Variants in EDC4 observed in about 807,000 individuals in gnomAD.
The protein encoded by EDC4 is enhancer of mRNA decapping 4.
Under a neutral mutation model 155.8 loss-of-function variants are expected in EDC4, and 64 were observed. That is an observed-to-expected ratio of 0.41 (90% confidence interval 0.34 to 0.51). The LOEUF is 0.51. EDC4 is among the 20% of genes least tolerant of loss of function. The pLI is 0.19. For synonymous variants in EDC4, 684 were observed against 716.8 expected (o/e 0.95, Z 0.73); for missense variants, 1,303 against 1,812.5 (o/e 0.72, Z 5.10).
rs2058044977 is a variant in EDC4 at position 67,877,082 on chromosome 16, C to T, written c.451+110C>T. ...GGGTACAATGGAAGGTTTGTCCATGCTGCCTCTTGGGGAGCTGGGTGGGAA... is the reference window on the plus strand; with the variant it reads ...GGGTACAATGGAAGGTTTGTCCATGTTGCCTCTTGGGGAGCTGGGTGGGAA... On this transcript the variant is annotated intron_variant, in intron 4 of 28. Transcript: ENST00000358933. This position sits in a 1 kb window ranked among gnomAD's most constrained non-coding sequence, Gnocchi z 4.9. 3 of 1,547,292 alleles carry T rather than the reference C, an allele frequency of 1.9e-6. No homozygotes were observed. Among genetic ancestry groups the T allele is most frequent in the South Asian group, 2.5e-5 (2 of 80,986 alleles).
At position 67,883,715 on chromosome 16, in the gene EDC4, A is replaced by T. The variant is rs143222155; in HGVS notation, c.3997A>T (p.Thr1333Ser). The T allele has an allele frequency of 5.6e-6, 9 of 1,614,020 alleles. No homozygotes were observed. The highest frequency in any genetic ancestry group is 7.6e-6 in the Non-Finnish European group (9 of 1,180,002). Reference sequence around the variant, plus strand: ...GCTGGCATCTGACCTTGGCACTCGAACTGACCTCAAGCTCAGGTAAGTGGG... The same window carrying T: ...GCTGGCATCTGACCTTGGCACTCGATCTGACCTCAAGCTCAGGTAAGTGGG... Reference protein sequence around the residue: ...QQLASDLGTRTDLKLSYLEEA... With the variant: ...QQLASDLGTRSDLKLSYLEEA... The change falls in exon 28 of 29, where the codon ACT becomes TCT. Residue 1333 changes from threonine to serine, a missense_variant. Coordinates refer to ENST00000358933, the MANE Select transcript of EDC4 (RefSeq NM_014329.5). The surrounding 1 kb of genome is among the most constrained non-coding windows in gnomAD (Gnocchi z 5.3).
rs1480994191 is a variant in EDC4, at chr16:67,878,049, TAGTC to T, written c.895-111_895-108del. 15 of 1,522,602 alleles carry T rather than the reference TAGTC, an allele frequency of 9.9e-6. No individual in the cohort carries two copies. Among genetic ancestry groups the T allele is most frequent in the Non-Finnish European group, 1.2e-5 (14 of 1,130,464 alleles). The allele number at this position is 1,522,602 out of a possible 1,614,324, so 94.3% of individuals were successfully genotyped here. A position where few individuals can be genotyped will look rare whatever the true frequency, so the allele number is the denominator to read the frequency against. ...GCCTTCTCTAGGAACCCTGTTCATT[TAGTC>T]AGTCACACAAGCATGCCAGTCCCAC... On this transcript the variant is annotated intron_variant, in intron 7 of 28. Transcript: ENST00000358933. The surrounding 1 kb of genome is among the most constrained non-coding windows in gnomAD (Gnocchi z 5.2).
Position 67,876,795 on chromosome 16 carries a change from C to T in EDC4, c.352-78C>T, listed in dbSNP as rs2058043348. 2.5e-6 allele frequency: 4 copies of T among 1,585,132 alleles called. No individual in the cohort carries two copies. The highest frequency in any genetic ancestry group is 3.4e-6 in the Non-Finnish European group (4 of 1,165,484). On this transcript the variant is annotated intron_variant, in intron 3 of 28. Transcript: ENST00000358933. The surrounding 1 kb of genome is among the most constrained non-coding windows in gnomAD (Gnocchi z 5.8). ...GGGTAGCTGGACTTGCATCTGTGTC[C>T]TCTCCCATCCCCAGGGATGTTGGGG...
In EDC4 at chr16:67,882,941, C is replaced by T. The variant is rs776035765; in HGVS notation, c.3630-17C>T. 2.5e-6 allele frequency: 4 copies of T among 1,613,720 alleles called. No homozygotes were observed. The South Asian group carries it at 4.4e-5, about 18-fold the overall frequency. Reference sequence around the variant, plus strand: ...TAGGCTCCCTGTCCACTTCACCTCACTCACTTCCCTTTGCAGCCTGCAGGA... The same window carrying T: ...TAGGCTCCCTGTCCACTTCACCTCATTCACTTCCCTTTGCAGCCTGCAGGA... On this transcript the variant is annotated splice_polypyrimidine_tract_variant and intron_variant, in intron 26 of 28. Transcript: ENST00000358933. The surrounding 1 kb of genome is among the most constrained non-coding windows in gnomAD (Gnocchi z 7.2).
Position 67,873,181 on chromosome 16 carries a change from C to T in EDC4, c.-81C>T. On this transcript the variant is annotated 5_prime_UTR_variant, in exon 1 of 29. Coordinates refer to ENST00000358933, the MANE Select transcript of EDC4 (RefSeq NM_014329.5). ...TGACCGGCGTCCCGCTGTCTCGCCC[C>T]GTGGCGGGTGAGCGAGGGTGCGTGG... 2 of 1,105,822 alleles carry T rather than the reference C, an allele frequency of 1.8e-6. No individual in the cohort carries two copies. The highest frequency in any genetic ancestry group is 3.2e-5 in the East Asian group (1 of 30,826). The allele number at this position is 1,105,822 out of a possible 1,614,324, so 68.5% of individuals were successfully genotyped here. A position where few individuals can be genotyped will look rare whatever the true frequency, so the allele number is the denominator to read the frequency against.
At chr16:67,875,633 C>T in intron 1 of EDC4, 1 of 794,754 alleles carries the variant, frequency 1.3e-6, no homozygotes, top group East Asian at 6.5e-5. Flanking sequence ...TCTTTCCTGA[C>T]CCCTCCTATG....
At position 67,882,965 on chromosome 16, in the gene EDC4, G is replaced by A; in HGVS notation, c.3637G>A (p.Glu1213Lys). ...QLHVAVGSLQ[E>K]SILAQVQRIV... ...ACTCACTTCCCTTTGCAGCCTGCAGGAGTCCATTTTAGCACAGGTACAGCG... is the reference window on the plus strand; with the variant it reads ...ACTCACTTCCCTTTGCAGCCTGCAGAAGTCCATTTTAGCACAGGTACAGCG... Residue 1213 changes from glutamate (E) to lysine (K), a missense_variant, in exon 27 of 29, where the codon GAG becomes AAG. By Grantham distance (56) the Glu-to-Lys change is moderately conservative. Coordinates refer to ENST00000358933, the MANE Select transcript of EDC4 (RefSeq NM_014329.5). This position sits in a 1 kb window ranked among gnomAD's most constrained non-coding sequence, Gnocchi z 7.2. 1 of 1,613,968 alleles carries A rather than the reference G, an allele frequency of 6.2e-7. No homozygotes were observed.
chr16:67,884,495 TA>T lies in EDC4; in HGVS notation c.*351del. On this transcript the variant is annotated 3_prime_UTR_variant, in exon 29 of 29. Coordinates refer to ENST00000358933, the MANE Select transcript of EDC4 (RefSeq NM_014329.5). This position sits in a 1 kb window ranked among gnomAD's most constrained non-coding sequence, Gnocchi z 4.1. ...GAAATTCAATTAAATGCTTTTGGAA[TA>T]AAATGGAGTATGTGTGTGCTTTTGG... The T allele has an allele frequency of 2.0e-6, 1 of 490,190 alleles. No homozygotes were observed. Among genetic ancestry groups the T allele is most frequent in the East Asian group, 3.6e-5 (1 of 27,920 alleles). The allele number at this position is 490,190 out of a possible 1,614,324, so 30.4% of individuals were successfully genotyped here.
Position 67,882,851 on chromosome 16 carries a change from T to C in EDC4, c.3615T>C (p.His1205=), listed in dbSNP as rs1284803679. 1.1e-5 allele frequency: 18 copies of C among 1,614,158 alleles called. No homozygotes were observed. The highest frequency in any genetic ancestry group is 2.2e-5 in the South Asian group (2 of 91,088). The change falls in exon 26 of 29, where the codon CAT becomes CAC. Residue 1205 remains histidine (H), a synonymous_variant. Transcript: ENST00000358933. The surrounding 1 kb of genome is among the most constrained non-coding windows in gnomAD (Gnocchi z 7.2). ...SVRAEVQHQL[H]VAVGSLQESI... is the part of the protein sequence containing the mutation. Reference sequence around the variant, plus strand: ...GTGCTGAGGTGCAGCACCAGCTGCATGTGGCTGTGGGCAGGTGTGTGGGCA... The same window carrying C: ...GTGCTGAGGTGCAGCACCAGCTGCACGTGGCTGTGGGCAGGTGTGTGGGCA...
intron 1 of EDC4, among the ~76,000 whole-genome samples, chr16:67,873,652 A>G (rs1325137554): frequency 6.6e-6 from 1 of 151,990 alleles, no homozygotes; most frequent in Non-Finnish European, 1.5e-5. Context: ...GGACTGGCCT[A>G]GCTCCTCTTC....
Position 67,875,964 on chromosome 16 carries a change from A to G in EDC4, c.102A>G (p.Pro34=). The part of the protein sequence containing the change: ...RPAGGPSAES[P]RPSSAYNGDL... Reference sequence around the variant, plus strand: ...CCCCAGGCCCCAGTGCAGAGAGCCCACGGCCATCCAGTGCCTACAATGGGG... The same window carrying G: ...CCCCAGGCCCCAGTGCAGAGAGCCCGCGGCCATCCAGTGCCTACAATGGGG... The change falls in exon 2 of 29, where the codon CCA becomes CCG. Residue 34 remains proline, a synonymous_variant. Transcript: ENST00000358933. 6.2e-7 allele frequency: 1 copy of G among 1,613,946 alleles called. No homozygotes were observed. The highest frequency in any genetic ancestry group is 1.1e-5 in the South Asian group (1 of 91,068).
chr16:67,883,111 C>CATGCAGCAGCTG lies in EDC4; in HGVS notation c.3783_3784insATGCAGCAGCTG (p.Cys1261_Gln1262insMetGlnGlnLeu). The CATGCAGCAGCTG allele has an allele frequency of 1.2e-6, 2 of 1,610,122 alleles. No homozygotes were observed. Among genetic ancestry groups the CATGCAGCAGCTG allele is most frequent in the Non-Finnish European group, 1.7e-6 (2 of 1,178,884 alleles). The stretch of plus-strand genomic sequence containing the variant: ...CTGTCCCCTCTGCCCACCTTGACTG[C>CATGCAGCAGCTG]CAGGCCCAGCAAGCCCATATCCTGC... On this transcript the variant is annotated inframe_insertion, in exon 27 of 29. Coordinates refer to ENST00000358933, the MANE Select transcript of EDC4 (RefSeq NM_014329.5). The surrounding 1 kb of genome is among the most constrained non-coding windows in gnomAD (Gnocchi z 5.3).
In EDC4 at chr16:67,873,446, A is replaced by C. The variant is rs534846188; in HGVS notation, c.82+103A>C. 9.5e-5 allele frequency: 91 copies of C among 960,942 alleles called. No individual in the cohort carries two copies. The African/African-American group carries it at 1.5e-3, about 16-fold the overall frequency. 59.5% of individuals were successfully genotyped at this position (960,942 alleles called of 1,614,324 possible). The stretch of plus-strand genomic sequence containing the variant: ...ACAGCTCCCTTAGGACTAGCTCTGG[A>C]TCCTCCCGGCGGGTAAGGGTGGACG... On this transcript the variant is annotated intron_variant, in intron 1 of 28. Coordinates refer to ENST00000358933, the MANE Select transcript of EDC4 (RefSeq NM_014329.5).
Position 67,878,677 on chromosome 16 carries a change from G to T in EDC4, c.1184+46G>T. On this transcript the variant is annotated intron_variant, in intron 10 of 28. Transcript: ENST00000358933. The surrounding 1 kb of genome is among the most constrained non-coding windows in gnomAD (Gnocchi z 5.2). ...TGGGGGACTGGGCAGGGGCGGCAGGGTTGGGAATGTAGCTTCCTTCAGTTC... is the reference window on the plus strand; with the variant it reads ...TGGGGGACTGGGCAGGGGCGGCAGGTTTGGGAATGTAGCTTCCTTCAGTTC... The T allele has an allele frequency of 6.2e-7, 1 of 1,614,198 alleles. No individual in the cohort carries two copies. Among genetic ancestry groups the T allele is most frequent in the Non-Finnish European group, 8.5e-7 (1 of 1,180,032 alleles).
intron 1 of EDC4, among the ~76,000 whole-genome samples, chr16:67,874,740 C>T (rs1006294926): frequency 5.3e-5 from 8 of 152,160 alleles, no homozygotes; most frequent in African/African-American, 1.7e-4. Flanking sequence ...CCTTGTTTGC[C>T]AAGCAGCTCT....
Position 67,881,904 on chromosome 16 carries a change from G to A in EDC4, c.3005-50G>A, listed in dbSNP as rs376757397. The stretch of plus-strand genomic sequence containing the variant: ...GGGACGGGGGCAGCATTCTTGGCCT[G>A]GGAAGGAGTACACGACCTGCTCCAG... On this transcript the variant is annotated intron_variant, in intron 22 of 28. Coordinates refer to ENST00000358933, the MANE Select transcript of EDC4 (RefSeq NM_014329.5). This position sits in a 1 kb window ranked among gnomAD's most constrained non-coding sequence, Gnocchi z 5.4. 1 of 1,602,986 alleles carries A rather than the reference G, an allele frequency of 6.2e-7. No homozygotes were observed. Among genetic ancestry groups the A allele is most frequent in the African/African-American group, 1.3e-5 (1 of 74,686 alleles).
chr16:67,873,797 TC>T (rs899425947), intron 1 of EDC4, among the ~76,000 whole-genome samples: 1 of 152,136 alleles, frequency 6.6e-6, no homozygotes, highest in Non-Finnish European at 1.5e-5. Context: ...ACTCCAGGCC[TC>T]CCGTTCTGAA....
chr16:67,880,434 C>A lies in EDC4; in HGVS notation c.2098-123C>A. ...TTCTTGGCTGTGGCCTCGTTTTTGA[C>A]CTGTATCCCCACTTCCCTGCTGCCC... On this transcript the variant is annotated intron_variant, in intron 17 of 28. Transcript: ENST00000358933. This position sits in a 1 kb window ranked among gnomAD's most constrained non-coding sequence, Gnocchi z 5.2. 7.1e-7 allele frequency: 1 copy of A among 1,418,064 alleles called. No individual in the cohort carries two copies. The highest frequency in any genetic ancestry group is 9.6e-7 in the Non-Finnish European group (1 of 1,043,250). The allele number at this position is 1,418,064 out of a possible 1,614,324, so 87.8% of individuals were successfully genotyped here.
At position 67,880,441 on chromosome 16, in the gene EDC4, C is replaced by G. The variant is rs934375736; in HGVS notation, c.2098-116C>G. The G allele has an allele frequency of 4.2e-6, 6 of 1,437,206 alleles. No individual in the cohort carries two copies. Among genetic ancestry groups the G allele is most frequent in the Non-Finnish European group, 5.7e-6 (6 of 1,056,838 alleles). The allele number at this position is 1,437,206 out of a possible 1,614,324, so 89.0% of individuals were successfully genotyped here. ...CTGTGGCCTCGTTTTTGACCTGTAT[C>G]CCCACTTCCCTGCTGCCCTGTCTCT... On this transcript the variant is annotated intron_variant, in intron 17 of 28. Coordinates refer to ENST00000358933, the MANE Select transcript of EDC4 (RefSeq NM_014329.5). The surrounding 1 kb of genome is among the most constrained non-coding windows in gnomAD (Gnocchi z 5.2).
Sources: gnomAD v4.1 joint callset for allele counts (sites outside exome capture counted in the v4.1 genomes callset) on GRCh38, gnomAD v4.1.1 for gene constraint, Gnocchi (gnomAD v3.1) non-coding constraint, MANE v1.5 for transcripts, NCBI Gene and HGNC (gene_info 2026-07-23, HGNC 2026-07-21) for gene names.